The following C4orf50 variants were observed in gnomAD, a reference collection of about 807,000 sequenced individuals.
C4orf50 encodes the protein chromosome 4 open reading frame 50.
Under a neutral mutation model 77.2 loss-of-function variants are expected in C4orf50, and 80 were observed. The ratio of observed to expected loss-of-function variants is 1.04; its 90% confidence interval spans 0.87 to 1.25. The LOEUF (loss-of-function observed/expected upper bound fraction) is 1.25. C4orf50 is among the 50% of genes most tolerant of loss of function. C4orf50 has a pLI of 0.00. For synonymous variants in C4orf50, 532 were observed against 465.3 expected (o/e 1.14, Z -1.84); for missense variants, 1,257 against 1,152.9 (o/e 1.09, Z -1.31).
chr4:5,973,520 CA>C (rs112764180), intron 31 of C4orf50, 138 bp downstream of exon 9: 1 of 735,962 alleles, frequency 1.4e-6, no homozygotes, highest in South Asian at 1.7e-5. Context: ...GAGGAAAAGC[CA>C]GGGGGTGTCT....
intron 7 of C4orf50, among the ~76,000 whole-genome samples, chr4:5,944,896 A>T (rs960777592): frequency 6.6e-6 from 1 of 152,208 alleles, no homozygotes; most frequent in South Asian, 2.1e-4. Flanking sequence ...AAGATGGATG[A>T]GCCAGCCTGC....
intron 23 of C4orf50, among the ~76,000 whole-genome samples, chr4:6,012,653 G>A (rs1438601313): frequency 6.6e-6 from 1 of 152,302 alleles, no homozygotes; most frequent in East Asian, 1.9e-4. Context: ...CAAACACACT[G>A]GGGCTATGTC....
chr4:6,007,011 G>A lies in C4orf50; in HGVS notation c.963+985C>T, dbSNP rs1029099278. On this transcript the variant is annotated intron_variant, in intron 25 of 33. Coordinates refer to ENST00000531445, the Ensembl canonical transcript of C4orf50. The surrounding 1 kb of genome is among the most constrained non-coding windows in gnomAD (Gnocchi z 4.1). ...TTCACAAGCACATATGAGTCCCATGGCACAGCATGTTGAAGATTTTGTCTA... is the reference window on the plus strand; with the variant it reads ...TTCACAAGCACATATGAGTCCCATGACACAGCATGTTGAAGATTTTGTCTA... 6.6e-6 allele frequency among the ~76,000 whole-genome samples: 1 copy of A among 152,218 alleles called. No homozygotes were observed.
intron 29 of C4orf50, among the ~76,000 whole-genome samples, chr4:5,979,884 C>G (rs961397127): frequency 2.0e-5 from 3 of 152,240 alleles, no homozygotes; most frequent in Non-Finnish European, 4.4e-5. Context: ...GCCTACTTCC[C>G]TCTGACAGAG....
In C4orf50 at chr4:6,007,936, T is replaced by C; in HGVS notation, c.963+60A>G. On this transcript the variant is annotated intron_variant, in intron 25 of 33. Transcript: ENST00000531445. This position sits in a 1 kb window ranked among gnomAD's most constrained non-coding sequence, Gnocchi z 4.1. ...TGGATGGGCCAATGACTTCACCAAGTGGCTGGAGGAGAAGGAGAAAGGCAA... is the reference window on the plus strand; with the variant it reads ...TGGATGGGCCAATGACTTCACCAAGCGGCTGGAGGAGAAGGAGAAAGGCAA... 2.5e-6 allele frequency: 1 copy of C among 399,116 alleles called. No individual in the cohort carries two copies. Among genetic ancestry groups the C allele is most frequent in the Non-Finnish European group, 4.4e-6 (1 of 226,284 alleles). The allele number at this position is 399,116 out of a possible 1,614,324, so 24.7% of individuals were successfully genotyped here.
intron 31 of C4orf50, among the ~76,000 whole-genome samples, chr4:5,973,088 A>G (rs1055661444): frequency 1.3e-5 from 2 of 152,210 alleles, no homozygotes; most frequent in Admixed American, 6.5e-5. Flanking sequence ...GAAGACAAAG[A>G]TGGCTATGGA....
Position 5,919,515 on chromosome 4 carries a change from C to T in C4orf50, c.*2475-21327G>A, listed in dbSNP as rs1217848599. Among the ~76,000 whole-genome samples the T allele has an allele frequency of 1.3e-5, 2 of 152,166 alleles. No individual in the cohort carries two copies. Among genetic ancestry groups the T allele is most frequent in the African/African-American group, 2.4e-5 (1 of 41,430 alleles). On this transcript the variant is annotated intron_variant, in intron 7 of 7. Transcript: ENST00000324058. The surrounding 1 kb of genome is among the most constrained non-coding windows in gnomAD (Gnocchi z 6.5). ...ACTGTGCAGGAGGCCATGTCGAGGA[C>T]GTCTCCCAGGAAGGTTTCCCTGAGC... is the stretch of plus-strand genomic sequence containing the variant.
intron 32 of C4orf50, among the ~76,000 whole-genome samples, chr4:5,966,780 G>A (rs1719596616): frequency 6.6e-6 from 1 of 151,676 alleles, no homozygotes; most frequent in Admixed American, 6.6e-5. Flanking sequence ...CTCCCGAGTA[G>A]CTGGGACTAC....
At chr4:5,998,327 T>G (rs539784917) in intron 25 of C4orf50, among the ~76,000 whole-genome samples, 1 of 152,236 alleles carries the variant, frequency 6.6e-6, no homozygotes, top group African/African-American at 2.4e-5. Flanking sequence ...TATTTGCATG[T>G]TCATCCCTTT....
At chr4:5,971,026 G>A (rs998550824) in intron 31 of C4orf50, among the ~76,000 whole-genome samples, 19 of 152,126 alleles carry the variant, frequency 1.2e-4, no homozygotes, top group African/African-American at 3.6e-4. Context: ...GAATGGGAGC[G>A]TCTCAGGACA....
At chr4:5,899,097 T>C (rs1716244131) in intron 7 of C4orf50, 1 of 152,206 alleles carries the variant, frequency 6.6e-6, no homozygotes, top group Admixed American at 6.5e-5. Context: ...GAAATTCCCA[T>C]AACACAGAGA....
intron 7 of C4orf50, among the ~76,000 whole-genome samples, chr4:5,941,573 T>G (rs904157273): frequency 1.3e-5 from 2 of 152,236 alleles, no homozygotes; most frequent in Non-Finnish European, 2.9e-5. Context: ...TAACATTTCC[T>G]CATGCCTGCA....
At chr4:5,966,674 G>A (rs569277639) in intron 32 of C4orf50, among the ~76,000 whole-genome samples, 3 of 134,160 alleles carry the variant, frequency 2.2e-5, no homozygotes, top group East Asian at 4.1e-4. Context: ...TTTTTTTTTC[G>A]GAGTCTTGCT....
intron 25 of C4orf50, among the ~76,000 whole-genome samples, chr4:6,004,897 A>G (rs1722187531): frequency 6.6e-6 from 1 of 152,020 alleles, no homozygotes; most frequent in Non-Finnish European, 1.5e-5. Context: ...TTGACTGATC[A>G]CTCAAAATAT....
rs953917088 is a variant in C4orf50 at position 6,017,411 on chromosome 4, G to C, written c.287+734C>G. 5.3e-5 allele frequency among the ~76,000 whole-genome samples: 8 copies of C among 152,228 alleles called. No individual in the cohort carries two copies. The highest frequency in any genetic ancestry group is 1.9e-4 in the African/African-American group (8 of 41,450). ...GGGAGATGTCACTGTGGGAACAAGA[G>C]TGACTTTATTTTAAACGCTAATCCA... On this transcript the variant is annotated intron_variant, in intron 23 of 33. Transcript: ENST00000531445. The surrounding 1 kb of genome is among the most constrained non-coding windows in gnomAD (Gnocchi z 4.7).
intron 25 of C4orf50, among the ~76,000 whole-genome samples, chr4:5,995,250 C>G (rs914810558): frequency 6.6e-6 from 1 of 152,116 alleles, no homozygotes; most frequent in Admixed American, 6.5e-5. Flanking sequence ...GAGGTTCTTT[C>G]CATGTCCCAC....
intron 25 of C4orf50, among the ~76,000 whole-genome samples, chr4:6,005,955 C>A (rs984279180): frequency 6.6e-6 from 1 of 152,116 alleles, no homozygotes; most frequent in Non-Finnish European, 1.5e-5. Flanking sequence ...AAGCCAACAG[C>A]CTAAAGTCTT....
chr4:5,982,940 G>A (rs1183905444), intron 28 of C4orf50, among the ~76,000 whole-genome samples: 1 of 152,164 alleles, frequency 6.6e-6, no homozygotes. Flanking sequence ...AGCAACAGTG[G>A]AAGCTCCCGA....
At chr4:5,947,281 C>T (rs1718521834) in intron 7 of C4orf50, among the ~76,000 whole-genome samples, 1 of 152,060 alleles carries the variant, frequency 6.6e-6, no homozygotes, top group South Asian at 2.1e-4. Flanking sequence ...CTTACTGACC[C>T]CAATTTGAGC....
Sources: allele counts gnomAD v4.1 joint callset (sites outside exome capture counted in the v4.1 genomes callset), GRCh38; gene constraint gnomAD v4.1.1; non-coding constraint Gnocchi (gnomAD v3.1); transcripts MANE v1.5; gene names NCBI Gene and HGNC (gene_info 2026-07-23, HGNC 2026-07-21).